Variants in GPM6B observed in about 807,000 individuals in gnomAD.
The protein encoded by GPM6B is glycoprotein M6B, also known as neuronal membrane glycoprotein M6-b.
GPM6B carries 4 observed loss-of-function variants against 27.2 expected under a neutral mutation model. The ratio of observed to expected loss-of-function variants is 0.15; its 90% CI spans 0.07 to 0.34. GPM6B has a LOEUF of 0.34. Ranked by LOEUF, GPM6B falls within the 10% of genes least tolerant of loss-of-function variation. The pLI, the probability that GPM6B is intolerant of heterozygous loss-of-function variation, is 1.00. For synonymous variants in GPM6B, 124 were observed against 103.1 expected, an observed-to-expected ratio of 1.20 and a Z score of -1.23; for missense variants, 183 against 261.9, an observed-to-expected ratio of 0.70 and a Z score of 2.08.
chrX:13,864,559 G>C (rs2049888341), intron 1 of GPM6B, among the ~76,000 whole-genome samples: 1 of 112,719 alleles, frequency 8.9e-6, no homozygotes, highest in African/African-American at 3.2e-5. Flanking sequence ...TAGATTCCAG[G>C]GTTGGAGTTT....
intron 1 of GPM6B, among the ~76,000 whole-genome samples, chrX:13,930,273 AT>A (rs780847985): frequency 1.8e-5 from 2 of 112,259 alleles, no homozygotes; most frequent in African/African-American, 3.2e-5. Context: ...TTTTAGAAAT[AT>A]TGATCAAGAA....
chrX:13,821,710 C>T (rs2049309553), upstream of GPM6B, among the ~76,000 whole-genome samples: 1 of 111,564 alleles, frequency 9.0e-6, no homozygotes, highest in African/African-American at 3.3e-5. Context: ...GATTCTCCTG[C>T]CTCAGCCTCC....
chrX:13,803,804 A>AC (rs1417427584), intron 2 of GPM6B, among the ~76,000 whole-genome samples: 14 of 110,463 alleles, frequency 1.3e-4, no homozygotes, highest in African/African-American at 3.6e-4. Context: ...CCTTCCCCAA[A>AC]CCCCCTCATG....
At chrX:13,789,549 G>A (rs1449157657) in intron 2 of GPM6B, among the ~76,000 whole-genome samples, 1 of 111,401 alleles carries the variant, frequency 9.0e-6, no homozygotes, top group Non-Finnish European at 1.9e-5. Context: ...GCCAAGACGG[G>A]CGGATCACGA....
chrX:13,802,270 T>C (rs895519597), intron 2 of GPM6B, among the ~76,000 whole-genome samples: 15 of 110,647 alleles, frequency 1.4e-4, no homozygotes, highest in Non-Finnish European at 2.1e-4. Flanking sequence ...TCAGTGTCCC[T>C]ACAATCAGAC....
intron 6 of GPM6B, among the ~76,000 whole-genome samples, 182 bp downstream of exon 6, chrX:13,777,170 C>G (rs1247614724): frequency 8.9e-6 from 1 of 111,840 alleles, no homozygotes; most frequent in Admixed American, 9.4e-5. Flanking sequence ...ATGAAGTGAC[C>G]ATTTTTGTAG....
intron 1 of GPM6B, among the ~76,000 whole-genome samples, chrX:13,875,851 G>T (rs777765566): frequency 8.9e-6 from 1 of 111,906 alleles, no homozygotes; most frequent in Admixed American, 9.5e-5. Context: ...GCAGATTAGT[G>T]GTTGCCAGAG....
At chrX:13,892,870 C>T (rs1253006607) in intron 1 of GPM6B, among the ~76,000 whole-genome samples, 1 of 111,699 alleles carries the variant, frequency 9.0e-6, no homozygotes, top group East Asian at 2.8e-4. Flanking sequence ...GGGCAAGATC[C>T]CATGTCTCTA....
At chrX:13,866,377 G>A (rs2049919320) in intron 1 of GPM6B, among the ~76,000 whole-genome samples, 1 of 112,106 alleles carries the variant, frequency 8.9e-6, no homozygotes, top group Non-Finnish European at 1.9e-5. Context: ...AAAGTAGGAA[G>A]AGGTCACTCA....
chrX:13,886,972 A>G (rs2050143338), intron 1 of GPM6B, among the ~76,000 whole-genome samples: 1 of 110,761 alleles, frequency 9.0e-6, no homozygotes, highest in South Asian at 3.9e-4. Flanking sequence ...GCATGCCACC[A>G]TAGCCAGCTA....
chrX:13,777,455 T>A, intron 5 of GPM6B, 30 bp from the exon 6 acceptor site: 1 of 991,913 alleles, frequency 1.0e-6, no homozygotes, highest in South Asian at 1.9e-5. Flanking sequence ...AGGATGTTAG[T>A]ACAAACTATA....
At chrX:13,922,643 T>C (rs1056387560) in intron 1 of GPM6B, among the ~76,000 whole-genome samples, 9 of 112,086 alleles carry the variant, frequency 8.0e-5, no homozygotes, top group South Asian at 3.7e-4. Context: ...ACTTGTCATG[T>C]TGGGCTGAGG....
At position 13,864,019 on chromosome X, in the gene GPM6B, A is replaced by AT. The variant is rs764526282; in HGVS notation, c.-198+74307dup. ...AACAAATAATAGCAGGCCATGGTTC[A>AT]TTTTTTGTGGAAAGCAGTGAGAGGT... On this transcript the variant is annotated intron_variant, in intron 1 of 6. Coordinates refer to the GPM6B transcript ENST00000398361. Among the ~76,000 whole-genome samples the AT allele has an allele frequency of 3.6e-5, 4 of 112,317 alleles. No homozygotes were observed. The South Asian group carries it at 1.5e-3, about 42-fold the overall frequency.
At chrX:13,873,379 C>T (rs1165759501) in intron 1 of GPM6B, among the ~76,000 whole-genome samples, 1 of 110,315 alleles carries the variant, frequency 9.1e-6, no homozygotes, top group Non-Finnish European at 1.9e-5. Flanking sequence ...CATCACTTCC[C>T]AGTTGGGTAA....
At chrX:13,903,394 C>G (rs1000157684) in intron 1 of GPM6B, among the ~76,000 whole-genome samples, 1 of 112,139 alleles carries the variant, frequency 8.9e-6, no homozygotes, top group Admixed American at 9.4e-5. Flanking sequence ...ATTATTTACT[C>G]TTGATGTCAT....
intron 1 of GPM6B, among the ~76,000 whole-genome samples, chrX:13,904,473 T>C (rs2050310107): frequency 8.9e-6 from 1 of 111,880 alleles, no homozygotes; most frequent in Non-Finnish European, 1.9e-5. Flanking sequence ...CCCACAGTCC[T>C]GTTGGAGGCA....
intron 2 of GPM6B, among the ~76,000 whole-genome samples, chrX:13,804,442 C>G: frequency 9.3e-6 from 1 of 107,645 alleles, no homozygotes; most frequent in Non-Finnish European, 1.9e-5. Context: ...GCGGGGGTAG[C>G]CCATGTGGTC....
At position 13,778,891 on chromosome X, in the gene GPM6B, G is replaced by A. The variant is rs774369672; in HGVS notation, c.697+927C>T. The stretch of plus-strand genomic sequence containing the variant: ...AGGTTAGTCTGATAGGTAGTTTCAA[G>A]CAAATTTAGTATTATGTTGTAAGGT... On this transcript the variant is annotated intron_variant, in intron 5 of 7. Transcript: ENST00000316715. Among the ~76,000 whole-genome samples the A allele has an allele frequency of 1.9e-4, 21 of 112,175 alleles. No individual in the cohort carries two copies. The East Asian group carries it at 5.8e-3, about 31-fold the overall frequency.
At chrX:13,870,468 G>A (rs1422657642) in intron 1 of GPM6B, among the ~76,000 whole-genome samples, 4 of 112,232 alleles carry the variant, frequency 3.6e-5, no homozygotes, top group Non-Finnish European at 7.5e-5. Context: ...GATAGTGGCC[G>A]GGATAGACAG....
Sources: gnomAD v4.1 joint callset for allele counts (sites outside exome capture counted in the v4.1 genomes callset) on GRCh38, gnomAD v4.1.1 for gene constraint, MANE v1.5 for transcripts, NCBI Gene and HGNC (gene_info 2026-07-23, HGNC 2026-07-21) for gene names.